The following CACNA1S variants were observed in gnomAD, a reference collection of about 807,000 sequenced individuals.
The protein encoded by CACNA1S is voltage-dependent L-type calcium channel subunit alpha-1S.
In CACNA1S, 126 loss-of-function variants were observed where a neutral mutation model predicts 207.4. The ratio of observed to expected loss-of-function variants is 0.61; its 90% CI spans 0.53 to 0.70. The LOEUF is 0.70. CACNA1S is among the 30% of genes least tolerant of loss of function. The pLI, the probability that CACNA1S is intolerant of heterozygous loss-of-function variation, is 0.00. For synonymous variants in CACNA1S, 960 were observed against 932.7 expected, an observed-to-expected ratio of 1.03 and a Z score of -0.53; for missense variants, 2,349 against 2,422.8, an observed-to-expected ratio of 0.97 and a Z score of 0.64.
Position 201,077,121 on chromosome 1 carries a change from C to T in CACNA1S, c.1626G>A (p.Trp542Ter), listed in dbSNP as rs747128937. 1 of 1,613,874 alleles carries T rather than the reference C, an allele frequency of 6.2e-7. No individual in the cohort carries two copies. Among genetic ancestry groups the T allele is most frequent in the South Asian group, 1.1e-5 (1 of 91,060 alleles). Residue 542 changes from tryptophan to a stop codon, truncating the protein, a stop_gained, in exon 12 of 44, where the codon TGG (tryptophan) becomes TGA (stop). Coordinates refer to ENST00000362061, the MANE Select transcript of CACNA1S (RefSeq NM_000069.3). LOFTEE classifies it high-confidence loss of function. ...LLRIFKITKYWTSLSNLVASL... is the reference protein window; with the variant it reads ...LLRIFKITKY Reference sequence around the variant, plus strand: ...ATGCCACCAGGTTGCTCAGCGACGTCCAATATCTGAAGGAAGAGGAGGCAC... The same window carrying T: ...ATGCCACCAGGTTGCTCAGCGACGTTCAATATCTGAAGGAAGAGGAGGCAC...
chr1:201,103,023 C>A (rs1272452423), intron 2 of CACNA1S, among the ~76,000 whole-genome samples: 3 of 152,016 alleles, frequency 2.0e-5, no homozygotes, highest in African/African-American at 4.8e-5. Flanking sequence ...ATATAACAGT[C>A]CTGAAAAGAA....
chr1:201,110,837 C>T (rs937686400), intron 1 of CACNA1S, among the ~76,000 whole-genome samples: 1 of 152,208 alleles, frequency 6.6e-6, no homozygotes, highest in African/African-American at 2.4e-5. Flanking sequence ...GACACACCCA[C>T]CCCGCCACAG....
At chr1:201,092,136 G>GA (rs1438844759) in intron 3 of CACNA1S, 22 bp from the exon 4 acceptor site, 5 of 1,613,946 alleles carry the variant, frequency 3.1e-6, no homozygotes, top group African/African-American at 2.7e-5. Flanking sequence ...AAGAGGGAGA[G>GA]AGGGGGTCCA....
At chr1:201,054,205 G>A (rs769574158) in intron 29 of CACNA1S, among the ~76,000 whole-genome samples, 2 of 152,190 alleles carry the variant, frequency 1.3e-5, no homozygotes, top group Non-Finnish European at 2.9e-5. Context: ...TGTCACTAAG[G>A]TCCTTTGCCA....
chr1:201,099,786 T>C (rs1662569527), intron 2 of CACNA1S, among the ~76,000 whole-genome samples: 1 of 152,298 alleles, frequency 6.6e-6, no homozygotes, highest in East Asian at 1.9e-4. Context: ...TTCCCTCACT[T>C]TCTTGTTCCC....
Position 201,112,366 on chromosome 1 carries a change from C to T in CACNA1S, c.-27G>A, listed in dbSNP as rs1663160377. ...GCTTCCCTGGGAATCTGGCTTTCTCCTGCTCCCCCACCCCAGTGCTTTCCC... is the reference window on the plus strand; with the variant it reads ...GCTTCCCTGGGAATCTGGCTTTCTCTTGCTCCCCCACCCCAGTGCTTTCCC... On this transcript the variant is annotated 5_prime_UTR_variant, in exon 1 of 44. Transcript: ENST00000362061. 1.2e-6 allele frequency: 2 copies of T among 1,613,656 alleles called. No individual in the cohort carries two copies. Among genetic ancestry groups the T allele is most frequent in the Admixed American group, 3.3e-5 (2 of 60,002 alleles).
At chr1:201,091,945 G>T (rs1455563716) in intron 4 of CACNA1S, 27 bp downstream of exon 4, 2 of 1,613,704 alleles carry the variant, frequency 1.2e-6, no homozygotes, top group Non-Finnish European at 8.5e-7. Flanking sequence ...AGAGGAGAAA[G>T]GGGTCTGCAG....
In CACNA1S at chr1:201,039,955, AGTAGCTCT is replaced by A. The variant is rs554596425; in HGVS notation, c.5490_5497del (p.Leu1832ArgfsTer67). 1,652 of 1,614,182 alleles carry A rather than the reference AGTAGCTCT, an allele frequency of 1.0e-3. 15 individuals are homozygous for A. The African/African-American group carries it at 0.019, about 19-fold the overall frequency. ...GCCCTCTGGGGCCTCTCGTCCTTTC[AGTAGCTCT>A]GTTGCCATGATCTCCACTTCCTCTG... On this transcript the variant is annotated frameshift_variant, in exon 44 of 44. Transcript: ENST00000362061. LOFTEE classifies it low-confidence loss of function (END_TRUNC).
intron 17 of CACNA1S, 74 bp downstream of exon 17, chr1:201,070,198 C>T: frequency 6.5e-7 from 1 of 1,535,516 alleles, no homozygotes; most frequent in South Asian, 1.1e-5. Flanking sequence ...GAGAGTCAGA[C>T]AGGGTTTTTT....
In CACNA1S at chr1:201,048,575, C is replaced by T. The variant is rs751297886; in HGVS notation, c.4441+7G>A. The T allele has an allele frequency of 3.7e-6, 6 of 1,604,322 alleles. No homozygotes were observed. Among genetic ancestry groups the T allele is most frequent in the Non-Finnish European group, 5.1e-6 (6 of 1,171,232 alleles). On this transcript the variant is annotated splice_region_variant and intron_variant, in intron 36 of 43. Transcript: ENST00000362061. ...AGGAGGGGGCTCACATTGGAAGGCA[C>T]TCTCACCTTCCGTCTTGATCTTGAG...
chr1:201,106,157 C>T (rs547653867), intron 2 of CACNA1S, among the ~76,000 whole-genome samples: 2 of 151,930 alleles, frequency 1.3e-5, no homozygotes, highest in African/African-American at 2.4e-5. Context: ...CCCCCTCCCC[C>T]ACACCTCCAT....
At chr1:201,077,684 G>T (rs902942598) in intron 11 of CACNA1S, among the ~76,000 whole-genome samples, 195 bp downstream of exon 11, 4 of 152,168 alleles carry the variant, frequency 2.6e-5, no homozygotes, top group Admixed American at 2.6e-4. Flanking sequence ...AAAAAACAGA[G>T]AAATGAGTTC....
chr1:201,112,065 T>A lies in CACNA1S; in HGVS notation c.152+123A>T, dbSNP rs1572080294. 4.5e-6 allele frequency: 4 copies of A among 882,994 alleles called. No individual in the cohort carries two copies. The East Asian group carries it at 1.1e-4, about 25-fold the overall frequency. The allele number at this position is 882,994 out of a possible 1,614,324, so 54.7% of individuals were successfully genotyped here. ...CAGCTCCTCACTCAATTCTGTGAGT[T>A]CACCCCATGTCTAAGTGCCAGGCCT... On this transcript the variant is annotated intron_variant, in intron 1 of 43. Transcript: ENST00000362061.
At chr1:201,076,310 C>G (rs1037558009) in intron 12 of CACNA1S, among the ~76,000 whole-genome samples, 5 of 152,208 alleles carry the variant, frequency 3.3e-5, no homozygotes, top group African/African-American at 1.2e-4. Flanking sequence ...AGAGGATCGA[C>G]GGACGATCAC....
chr1:201,089,350 G>A lies in CACNA1S; in HGVS notation c.808C>T (p.His270Tyr). The A allele has an allele frequency of 1.2e-6, 2 of 1,614,272 alleles. No homozygotes were observed. Among genetic ancestry groups the A allele is most frequent in the Non-Finnish European group, 1.7e-6 (2 of 1,180,048 alleles). ...AAGTTGTCGAAGTGGGTGATGCCAT[G>A]GTTGGGCCCTGGCCAGCCGCCCCGG... Reference protein sequence around the residue: ...ECRGGWPGPNHGITHFDNFGF... With the variant: ...ECRGGWPGPNYGITHFDNFGF... Residue 270 changes from histidine to tyrosine, a missense_variant, in exon 6 of 44, where the codon CAT (histidine) becomes TAT (tyrosine). By Grantham distance (83) the His-to-Tyr change is moderately conservative. Coordinates refer to ENST00000362061, the MANE Select transcript of CACNA1S (RefSeq NM_000069.3).
Position 201,092,013 on chromosome 1 carries a change from A to G in CACNA1S, c.500T>C (p.Phe167Ser). The G allele has an allele frequency of 6.2e-7, 1 of 1,613,942 alleles. No individual in the cohort carries two copies. ...AGLDVKALRA[F>S]RVLRPLRLVS... ...CAGCCGGAGGGGTCTGAGCACTCGGAAGGCTCTGAGGGCCTTGACATCCAA... is the reference window on the plus strand; with the variant it reads ...CAGCCGGAGGGGTCTGAGCACTCGGGAGGCTCTGAGGGCCTTGACATCCAA... Residue 167 changes from phenylalanine (F) to serine (S), a missense_variant, in exon 4 of 44, where the codon TTC becomes TCC. Transcript: ENST00000362061.
chr1:201,053,288 G>A lies in CACNA1S; in HGVS notation c.3796-14C>T, dbSNP rs377210987. 9.0e-5 allele frequency: 145 copies of A among 1,612,638 alleles called. 1 individual carries two copies. Among genetic ancestry groups the A allele is most frequent in the South Asian group, 6.9e-4 (63 of 91,024 alleles). ...GTAGGGTAGGGCCTGCAGGGCGGGCGGGAGCGCCAGTCAGTGTCTTAGGGC... is the reference window on the plus strand; with the variant it reads ...GTAGGGTAGGGCCTGCAGGGCGGGCAGGAGCGCCAGTCAGTGTCTTAGGGC... On this transcript the variant is annotated splice_polypyrimidine_tract_variant and intron_variant, in intron 30 of 43. Transcript: ENST00000362061. This position sits in a 1 kb window ranked among gnomAD's most constrained non-coding sequence, Gnocchi z 5.1.
At position 201,053,568 on chromosome 1, in the gene CACNA1S, C is replaced by T. The variant is rs774416016; in HGVS notation, c.3686G>A (p.Arg1229His). 39 of 1,608,584 alleles carry T rather than the reference C, an allele frequency of 2.4e-5. No homozygotes were observed. The highest frequency in any genetic ancestry group is 1.7e-4 in the Middle Eastern group (1 of 6,054). ...CAGGCGGAAGAAGGCGCTGGAGATG[C>T]GGGCACTCTCATCTGGGTCCTGCGG... ...CGNVDPDESA[R>H]ISSAFFRLFR... is the part of the protein sequence containing the mutation. Residue 1229 changes from arginine to histidine, a missense_variant, in exon 30 of 44, where the codon CGC becomes CAC. Physicochemically the swap from Arg to His is conservative, Grantham distance 29 (BLOSUM62 0). Coordinates refer to ENST00000362061, the MANE Select transcript of CACNA1S (RefSeq NM_000069.3). The surrounding 1 kb of genome is among the most constrained non-coding windows in gnomAD (Gnocchi z 5.1).
At position 201,060,809 on chromosome 1, in the gene CACNA1S, CAT is replaced by C; in HGVS notation, c.3261_3262del (p.Val1089ThrfsTer32). 1 of 1,614,210 alleles carries C rather than the reference CAT, an allele frequency of 6.2e-7. No individual in the cohort carries two copies. Among genetic ancestry groups the C allele is most frequent in the Non-Finnish European group, 8.5e-7 (1 of 1,180,046 alleles). On this transcript the variant is annotated frameshift_variant, in exon 26 of 44. Coordinates refer to ENST00000362061, the MANE Select transcript of CACNA1S (RefSeq NM_000069.3). LOFTEE classifies it high-confidence loss of function. ...GCGGGCCTTCAGGGCATACTGTACACATTGGCGCTGTGACACATACAACAGGA... is the reference window on the plus strand; with the variant it reads ...GCGGGCCTTCAGGGCATACTGTACACTGGCGCTGTGACACATACAACAGGA...
Sources: allele counts gnomAD v4.1 joint callset (sites outside exome capture counted in the v4.1 genomes callset), GRCh38; gene constraint gnomAD v4.1.1; non-coding constraint Gnocchi (gnomAD v3.1); transcripts MANE v1.5; gene names NCBI Gene and HGNC (gene_info 2026-07-23, HGNC 2026-07-21).